Variants in SGCZ observed in about 807,000 individuals in gnomAD.
SGCZ encodes sarcoglycan zeta, also known as zeta-sarcoglycan.
A neutral mutation model predicts 41.3 loss-of-function variants in SGCZ; 40 were observed. The observed-to-expected ratio is 0.97, with a 90% CI of 0.75 to 1.26. SGCZ has a LOEUF of 1.26. Among genes scored for constraint, SGCZ ranks in the 50% most tolerant of loss-of-function variants. SGCZ has a pLI of 0.00. For missense variants in SGCZ, 552 were observed against 369.8 expected, an observed-to-expected ratio of 1.49 and a Z score of -4.04; for synonymous variants, 206 against 137.5, an observed-to-expected ratio of 1.50 and a Z score of -3.49.
Position 14,087,714 on chromosome 8 carries a change from TA to T in SGCZ, c.*2728del, listed in dbSNP as rs200896009. On this transcript the variant is annotated 3_prime_UTR_variant, in exon 8 of 8. Coordinates refer to ENST00000382080, the MANE Select transcript of SGCZ (RefSeq NM_139167.4). The stretch of plus-strand genomic sequence containing the variant: ...TGCAATTAAGGGACCACTATATTTT[TA>T]AAAAAAAAAAAATGCTTTTTTGTGT... 0.023 allele frequency among the ~76,000 whole-genome samples: 3,339 copies of T among 147,356 alleles called. 53 individuals carry two copies. Among genetic ancestry groups the T allele is most frequent in the Middle Eastern group, 0.059 (17 of 290 alleles).
At chr8:14,396,180 G>T (rs986940679) in intron 2 of SGCZ, among the ~76,000 whole-genome samples, 1 of 152,048 alleles carries the variant, frequency 6.6e-6, no homozygotes, top group Non-Finnish European at 1.5e-5. Context: ...GATTATTTAA[G>T]TCCTCAGTAA....
chr8:15,079,786 TA>T (rs1477781215), intron 1 of SGCZ, among the ~76,000 whole-genome samples: 36 of 152,182 alleles, frequency 2.4e-4, no homozygotes, highest in African/African-American at 8.0e-4. Context: ...TAAATAGGTA[TA>T]TTGTGTGACA....
rs545906865 is a variant in SGCZ at position 14,168,987 on chromosome 8, G to C, written c.425-4285C>G. 2.6e-5 allele frequency among the ~76,000 whole-genome samples: 4 copies of C among 152,172 alleles called. No individual in the cohort carries two copies. The South Asian group carries it at 8.3e-4, about 32-fold the overall frequency. ...CCTATTTGACCGATGAGGAAACCAA[G>C]GCACTAAGATTTAAGAAATGTTCCT... is the stretch of plus-strand genomic sequence containing the variant. On this transcript the variant is annotated intron_variant, in intron 4 of 7. Coordinates refer to ENST00000382080, the MANE Select transcript of SGCZ (RefSeq NM_139167.4).
intron 7 of SGCZ, among the ~76,000 whole-genome samples, chr8:14,097,249 T>G (rs1801874284): frequency 6.6e-6 from 1 of 152,230 alleles, no homozygotes; most frequent in Non-Finnish European, 1.5e-5. Context: ...TAAATTTCCC[T>G]CTACACAGTG....
chr8:15,230,107 T>A (rs17121162), intron 1 of SGCZ, among the ~76,000 whole-genome samples: 6,855 of 151,262 alleles, frequency 0.045, 496 homozygotes, highest in African/African-American at 0.15. Flanking sequence ...TGAAACATTA[T>A]GCAAATAACC....
intron 2 of SGCZ, among the ~76,000 whole-genome samples, chr8:14,362,951 T>A (rs1231986274): frequency 1.3e-5 from 2 of 152,228 alleles, no homozygotes; most frequent in African/African-American, 4.8e-5. Context: ...TACAATGTGG[T>A]AAGATGTGAG....
intron 2 of SGCZ, among the ~76,000 whole-genome samples, chr8:14,386,079 C>G (rs1170585773): frequency 6.6e-6 from 1 of 151,586 alleles, no homozygotes; most frequent in South Asian, 2.1e-4. Flanking sequence ...AATATTTTTT[C>G]CAAATATATT....
At chr8:14,613,707 C>T (rs1241432495) in intron 1 of SGCZ, among the ~76,000 whole-genome samples, 2 of 150,656 alleles carry the variant, frequency 1.3e-5, no homozygotes, top group Non-Finnish European at 3.0e-5. Flanking sequence ...ATACTGGAAT[C>T]ATCTGCAAAT....
intron 2 of SGCZ, among the ~76,000 whole-genome samples, chr8:14,367,370 T>G (rs1198551139): frequency 6.6e-6 from 1 of 152,096 alleles, no homozygotes; most frequent in Admixed American, 6.6e-5. Context: ...CCCTCCAAAC[T>G]GTTCCAAACT....
intron 2 of SGCZ, among the ~76,000 whole-genome samples, chr8:14,350,024 T>A (rs1036886373): frequency 1.3e-5 from 2 of 152,140 alleles, no homozygotes; most frequent in East Asian, 3.9e-4. Flanking sequence ...ATGTTGTATA[T>A]AAATGCTATT....
chr8:14,716,303 T>C (rs180929901), intron 1 of SGCZ, among the ~76,000 whole-genome samples: 56 of 152,206 alleles, frequency 3.7e-4, no homozygotes, highest in African/African-American at 1.3e-3. Context: ...CCATGATTTA[T>C]TTCTTGAACA....
chr8:14,849,117 T>C (rs1585316264), intron 1 of SGCZ, among the ~76,000 whole-genome samples: 1 of 152,206 alleles, frequency 6.6e-6, no homozygotes, highest in Non-Finnish European at 1.5e-5. Context: ...CAATTTAAAA[T>C]CACAATTAGG....
chr8:14,464,494 T>A, intron 2 of SGCZ, among the ~76,000 whole-genome samples: 1 of 151,030 alleles, frequency 6.6e-6, no homozygotes, highest in East Asian at 1.9e-4. Flanking sequence ...GTATTTTTTT[T>A]TTTTTTTTAG....
chr8:14,766,084 T>C (rs1201177130), intron 1 of SGCZ, among the ~76,000 whole-genome samples: 7 of 150,886 alleles, frequency 4.6e-5, no homozygotes, highest in Admixed American at 3.3e-4. Context: ...TGCCTCAGCC[T>C]CCTAAGCAAC....
intron 1 of SGCZ, among the ~76,000 whole-genome samples, chr8:14,648,194 C>CAA (rs941679512): frequency 1.3e-5 from 2 of 151,984 alleles, no homozygotes; most frequent in African/African-American, 4.8e-5. Context: ...CATAATAATT[C>CAA]AAAATAATCA....
At chr8:14,533,728 C>A (rs897628444) in intron 2 of SGCZ, among the ~76,000 whole-genome samples, 2 of 151,878 alleles carry the variant, frequency 1.3e-5, no homozygotes, top group African/African-American at 4.8e-5. Flanking sequence ...TAATTCATGG[C>A]AGATGATAAG....
chr8:14,476,215 G>A (rs2126320), intron 2 of SGCZ, among the ~76,000 whole-genome samples: 36,018 of 151,976 alleles, frequency 0.24, 4,609 homozygotes, highest in Admixed American at 0.3. Flanking sequence ...CTGTAGTCAA[G>A]AATCAGGAGT....
At chr8:14,433,416 G>T (rs1301502049) in intron 2 of SGCZ, among the ~76,000 whole-genome samples, 2 of 152,134 alleles carry the variant, frequency 1.3e-5, no homozygotes, top group East Asian at 1.9e-4. Context: ...CAATCATTTG[G>T]TAAGAACTAA....
intron 2 of SGCZ, among the ~76,000 whole-genome samples, chr8:14,455,385 C>T (rs1800711010): frequency 2.0e-5 from 3 of 151,760 alleles, no homozygotes; most frequent in South Asian, 2.1e-4. Context: ...TCTGGATAAA[C>T]AGGCCCTCTC....
Sources: allele counts gnomAD v4.1 joint callset (sites outside exome capture counted in the v4.1 genomes callset), GRCh38; gene constraint gnomAD v4.1.1; transcripts MANE v1.5; gene names NCBI Gene and HGNC (gene_info 2026-07-23, HGNC 2026-07-21).